Variants in RUNX1T1 observed in about 807,000 individuals in gnomAD.
RUNX1T1 encodes the protein protein CBFA2T1.
In RUNX1T1, 4 loss-of-function variants were observed where a neutral mutation model predicts 62.8. The observed-to-expected ratio is 0.06, with a 90% CI of 0.03 to 0.15. The LOEUF (loss-of-function observed/expected upper bound fraction) is 0.15, where lower values mean the gene tolerates loss of function less well. Ranked by LOEUF, RUNX1T1 falls within the 10% of genes least tolerant of loss-of-function variation. The pLI is 1.00. For missense variants in RUNX1T1, 508 were observed against 754.3 expected, an observed-to-expected ratio of 0.67 and a Z score of 3.82; for synonymous variants, 291 against 286.0, an observed-to-expected ratio of 1.02 and a Z score of -0.18.
At chr8:92,041,975 T>C (rs913235880) in intron 1 of RUNX1T1, among the ~76,000 whole-genome samples, 2 of 151,830 alleles carry the variant, frequency 1.3e-5, no homozygotes, top group Non-Finnish European at 2.9e-5. Context: ...ACCACCACCA[T>C]ACACAGCTAA....
chr8:91,978,239 T>TG (rs961920041), intron 8 of RUNX1T1, among the ~76,000 whole-genome samples: 2 of 152,208 alleles, frequency 1.3e-5, no homozygotes, highest in African/African-American at 4.8e-5. Context: ...AGCTAGCTAT[T>TG]GACCATGGAA....
At chr8:92,067,930 C>T (rs894017230), upstream of RUNX1T1, among the ~76,000 whole-genome samples, 2 of 152,252 alleles carry the variant, frequency 1.3e-5, no homozygotes, top group Admixed American at 1.3e-4. Context: ...GCTTTTAACA[C>T]TTGCACTGAT....
At chr8:92,050,210 C>T (rs945194612) in intron 1 of RUNX1T1, among the ~76,000 whole-genome samples, 5 of 152,142 alleles carry the variant, frequency 3.3e-5, no homozygotes, top group Non-Finnish European at 7.4e-5. Context: ...GGTTGTTTCA[C>T]TGGGCATAGA....
intron 10 of RUNX1T1, among the ~76,000 whole-genome samples, chr8:91,966,258 G>T (rs1406998178): frequency 6.6e-6 from 1 of 151,706 alleles, no homozygotes; most frequent in Non-Finnish European, 1.5e-5. Context: ...GATTGTGAAG[G>T]CTTTGACAGG....
intron 1 of RUNX1T1, among the ~76,000 whole-genome samples, chr8:92,095,918 T>C (rs1837710557): frequency 6.6e-6 from 1 of 152,190 alleles, no homozygotes; most frequent in Non-Finnish European, 1.5e-5. Flanking sequence ...AGCTCTCTTT[T>C]GGCAGAGCCT....
chr8:92,062,480 T>C, intron 1 of RUNX1T1: 2 of 1,532,560 alleles, frequency 1.3e-6, no homozygotes, highest in Non-Finnish European at 1.8e-6. Flanking sequence ...GTATTTTCCA[T>C]GCATAATAGA....
chr8:91,975,559 A>G (rs1033454248), intron 9 of RUNX1T1, among the ~76,000 whole-genome samples: 19 of 151,298 alleles, frequency 1.3e-4, no homozygotes, highest in Middle Eastern at 6.8e-3. Context: ...GAATTTTTTC[A>G]TCAAAGAAAA....
chr8:92,073,642 C>T (rs572200110), intron 2 of RUNX1T1, among the ~76,000 whole-genome samples: 2 of 152,108 alleles, frequency 1.3e-5, no homozygotes, highest in Non-Finnish European at 2.9e-5. Flanking sequence ...TATTTCTATA[C>T]ACCTAATATT....
upstream of RUNX1T1, among the ~76,000 whole-genome samples, chr8:92,064,485 T>G (rs964954029): frequency 2.6e-5 from 4 of 152,214 alleles, no homozygotes; most frequent in African/African-American, 9.6e-5. Context: ...ATAGAAAGCT[T>G]TATAGCAGGC....
At chr8:92,086,877 C>A (rs994633911) in intron 1 of RUNX1T1, among the ~76,000 whole-genome samples, 2 of 152,206 alleles carry the variant, frequency 1.3e-5, no homozygotes, top group Admixed American at 6.5e-5. Flanking sequence ...TCTGCAATAT[C>A]TAAAACCTAA....
chr8:91,975,446 G>A (rs1813709008), intron 9 of RUNX1T1, among the ~76,000 whole-genome samples: 1 of 150,704 alleles, frequency 6.6e-6, no homozygotes, highest in Non-Finnish European at 1.5e-5. Flanking sequence ...AAAATTATCT[G>A]AGTACTTTAA....
chr8:91,968,316 G>A (rs1812067004), intron 10 of RUNX1T1, among the ~76,000 whole-genome samples: 1 of 152,156 alleles, frequency 6.6e-6, no homozygotes, highest in Non-Finnish European at 1.5e-5. Flanking sequence ...TGGGACACTA[G>A]GTGTCAATGG....
At chr8:92,102,854 T>TA (rs1563956305), upstream of RUNX1T1, 10 of 1,520,174 alleles carry the variant, frequency 6.6e-6, no homozygotes, top group Non-Finnish European at 7.0e-6. The surrounding 1 kb of genome is among the most constrained non-coding windows in gnomAD (Gnocchi z 4.5). Flanking sequence ...CGCGGACACT[T>TA]ACACTGCACA....
intron 2 of RUNX1T1, among the ~76,000 whole-genome samples, chr8:92,073,554 G>A (rs1023893846): frequency 6.6e-6 from 1 of 152,046 alleles, no homozygotes; most frequent in African/African-American, 2.4e-5. Flanking sequence ...AAAACTCTAA[G>A]AGCCCAATGG....
At chr8:91,963,435 C>T (rs931860431) in intron 10 of RUNX1T1, among the ~76,000 whole-genome samples, 8 of 152,010 alleles carry the variant, frequency 5.3e-5, no homozygotes, top group African/African-American at 1.5e-4. Flanking sequence ...CTAACAAACG[C>T]TCCAATGCGC....
At chr8:91,994,533 A>G (rs1280692370) in intron 5 of RUNX1T1, 2 of 485,874 alleles carry the variant, frequency 4.1e-6, no homozygotes, top group South Asian at 3.2e-5. Context: ...ACTGGGAATC[A>G]AGAGACCTGA....
intron 5 of RUNX1T1, among the ~76,000 whole-genome samples, chr8:91,992,532 T>A (rs1817882472): frequency 6.6e-6 from 1 of 152,154 alleles, no homozygotes; most frequent in Non-Finnish European, 1.5e-5. Context: ...AACATTTCCA[T>A]CATCACAGAA....
intron 1 of RUNX1T1, chr8:92,095,624 G>A: frequency 7.4e-7 from 1 of 1,358,746 alleles, no homozygotes. Context: ...GGGAGAGAGA[G>A]AGAGAAGACA....
At chr8:92,095,934 G>C (rs1269746295) in intron 1 of RUNX1T1, among the ~76,000 whole-genome samples, 1 of 152,200 alleles carries the variant, frequency 6.6e-6, no homozygotes, top group African/African-American at 2.4e-5. Context: ...AGCCTAAGGA[G>C]ACAGTCGCCA....
Sources: allele counts gnomAD v4.1 joint callset (sites outside exome capture counted in the v4.1 genomes callset), GRCh38; gene constraint gnomAD v4.1.1; non-coding constraint Gnocchi (gnomAD v3.1); transcripts MANE v1.5; gene names NCBI Gene and HGNC (gene_info 2026-07-23, HGNC 2026-07-21).